FAM234A: variants seen among roughly 807,000 people sequenced by gnomAD.
FAM234A encodes the protein protein FAM234A.
Under a neutral mutation model 49.1 loss-of-function variants are expected in FAM234A, and 42 were observed. The ratio of observed to expected loss-of-function variants is 0.86; its 90% CI spans 0.67 to 1.11. The LOEUF (loss-of-function observed/expected upper bound fraction) is 1.11. Ranked by LOEUF, FAM234A falls within the 50% of genes least tolerant of loss-of-function variation. FAM234A has a pLI of 0.00. For synonymous variants in FAM234A, 369 were observed against 316.2 expected (o/e 1.17, Z -1.77); for missense variants, 815 against 745.2 (o/e 1.09, Z -1.09).
At chr16:268,345 T>A (rs1352743609), downstream of FAM234A, 1 of 261,030 alleles carries the variant, frequency 3.8e-6, no homozygotes, top group African/African-American at 2.2e-5. Context: ...TTTATTTGTG[T>A]GCTGGACGCT....
At position 263,245 on chromosome 16, in the gene FAM234A, C is replaced by G. The variant is rs552838736; in HGVS notation, c.972-17C>G. ...CCCCGGGGACCCGGCGCCCCTTTCT[C>G]CCACTCTCCTGTCTAGCTCTGGAGC... On this transcript the variant is annotated splice_polypyrimidine_tract_variant and intron_variant, in intron 8 of 12. Transcript: ENST00000399932. 6.2e-7 allele frequency: 1 copy of G among 1,609,124 alleles called. No individual in the cohort carries two copies. Among genetic ancestry groups the G allele is most frequent in the East Asian group, 2.2e-5 (1 of 44,790 alleles).
At chr16:267,490 G>A (rs919936641), downstream of FAM234A, among the ~76,000 whole-genome samples, 4 of 128,422 alleles carry the variant, frequency 3.1e-5, no homozygotes, top group African/African-American at 3.4e-5. Context: ...CCTCATACAT[G>A]CAATGTGCAC....
chr16:239,571 C>T (rs188285912), intron 1 of FAM234A, among the ~76,000 whole-genome samples: 198 of 149,954 alleles, frequency 1.3e-3, no homozygotes, highest in Non-Finnish European at 2.2e-3. Context: ...GTGGAGATTG[C>T]GCCACTGCAC....
At chr16:266,675 G>A (rs534135892), downstream of FAM234A, among the ~76,000 whole-genome samples, 1 of 152,220 alleles carries the variant, frequency 6.6e-6, no homozygotes, top group East Asian at 1.9e-4. Flanking sequence ...GTAGGGGGAC[G>A]TGGGGGATGA....
At chr16:256,136 TGA>T (rs1296016573) in intron 3 of FAM234A, among the ~76,000 whole-genome samples, 2 of 152,222 alleles carry the variant, frequency 1.3e-5, no homozygotes, top group African/African-American at 4.8e-5. Flanking sequence ...GGCTCTCAGT[TGA>T]GACTCTTATG....
chr16:250,211 G>A lies in FAM234A; in HGVS notation c.-34+557G>A, dbSNP rs148057385. Reference sequence around the variant, plus strand: ...CTCTCAAAGTGCTGGGACTACAGGCGTGAGCCACCGCGCCCGGCCAGGAAT... The same window carrying A: ...CTCTCAAAGTGCTGGGACTACAGGCATGAGCCACCGCGCCCGGCCAGGAAT... On this transcript the variant is annotated intron_variant, in intron 2 of 12. Coordinates refer to ENST00000399932, the MANE Select transcript of FAM234A (RefSeq NM_032039.4). 1.0e-2 allele frequency among the ~76,000 whole-genome samples: 1,518 copies of A among 152,324 alleles called. 10 individuals are homozygous for A. The highest frequency in any genetic ancestry group is 0.02 in the Middle Eastern group (6 of 294).
intron 4 of FAM234A, 39 bp from the exon 5 acceptor site, chr16:259,930 G>A (rs2051389697): frequency 6.3e-7 from 1 of 1,585,038 alleles, no homozygotes; most frequent in African/African-American, 1.3e-5. Context: ...TGCCTGCCCA[G>A]ATGGTGCAAC....
chr16:261,107 C>G (rs747293459), intron 5 of FAM234A: 1 of 349,476 alleles, frequency 2.9e-6, no homozygotes, highest in African/African-American at 2.1e-5. Flanking sequence ...GGGAACTCTG[C>G]GGTTCCCAGG....
intron 1 of FAM234A, among the ~76,000 whole-genome samples, chr16:236,157 T>G (rs943718288): frequency 2.7e-5 from 4 of 150,130 alleles, no homozygotes; most frequent in Admixed American, 2.0e-4. Flanking sequence ...GGTTTCACCA[T>G]GTTGGCCAGG....
downstream of FAM234A, among the ~76,000 whole-genome samples, chr16:266,675 G>C (rs534135892): frequency 3.3e-5 from 5 of 152,220 alleles, no homozygotes; most frequent in Non-Finnish European, 7.4e-5. Flanking sequence ...GTAGGGGGAC[G>C]TGGGGGATGA....
At chr16:260,577 GA>G (rs1239737025) in intron 5 of FAM234A, 6 of 476,868 alleles carry the variant, frequency 1.3e-5, no homozygotes, top group Non-Finnish European at 2.6e-5. Flanking sequence ...CCCTAAGCCT[GA>G]AGGTGCAGGT....
At chr16:256,117 C>T (rs2051221344) in intron 3 of FAM234A, among the ~76,000 whole-genome samples, 1 of 152,210 alleles carries the variant, frequency 6.6e-6, no homozygotes, top group African/African-American at 2.4e-5. Context: ...GGCTGACGAT[C>T]ACCTGGATGG....
chr16:268,679 T>A, downstream of FAM234A: 1 of 1,345,570 alleles, frequency 7.4e-7, no homozygotes, highest in Non-Finnish European at 1.0e-6. Context: ...GTGGACAAAT[T>A]CTGGAACGCG....
At chr16:251,688 T>TTTC (rs1555462376) in intron 2 of FAM234A, among the ~76,000 whole-genome samples, 1 of 134,864 alleles carries the variant, frequency 7.4e-6, no homozygotes, top group East Asian at 2.0e-4. Context: ...GGTTTTTTTT[T>TTTC]TTTTTTTTTT....
downstream of FAM234A, chr16:268,335 T>G: frequency 8.3e-6 from 2 of 241,536 alleles, no homozygotes; most frequent in South Asian, 6.0e-5. Context: ...CCAAGGGTCT[T>G]TTATTTGTGT....
In FAM234A at chr16:249,959, C is replaced by T. The variant is rs182639878; in HGVS notation, c.-34+305C>T. Among the ~76,000 whole-genome samples, 836 of 151,114 alleles carry T rather than the reference C, an allele frequency of 5.5e-3. 22 individuals carry two copies. Among genetic ancestry groups the T allele is most frequent in the African/African-American group, 0.02 (808 of 40,624 alleles). ...TATTTATTATTTAAAAAAAATTTTT[C>T]TTTTTAGACGGAGTCTCGCTCTGTC... On this transcript the variant is annotated intron_variant, in intron 2 of 12. Transcript: ENST00000399932.
At chr16:262,317 C>CTGGAGTG in intron 7 of FAM234A, 92 bp downstream of exon 7, 1 of 1,571,592 alleles carries the variant, frequency 6.4e-7, no homozygotes. Flanking sequence ...TCTCGAGGTG[C>CTGGAGTG]TGGAGTCAGG....
At chr16:255,269 T>C (rs6600208) in intron 3 of FAM234A, among the ~76,000 whole-genome samples, 51,592 of 152,094 alleles carry the variant, frequency 0.34, 12,258 homozygotes, top group African/African-American at 0.67. Flanking sequence ...GGATTACAGG[T>C]GTAAGTCACC....
rs2051592041 is a variant in FAM234A at position 264,030 on chromosome 16, C to A, written c.1203C>A (p.Asp401Glu). ...TGTDRQILFL[D>E]LGTGAVLCSL... Reference sequence around the variant, plus strand: ...TCCCTCCCCAGATCCTGTTTCTGGACCTTGGCACTGGAGCCGTCCTGTGTA... The same window carrying A: ...TCCCTCCCCAGATCCTGTTTCTGGAACTTGGCACTGGAGCCGTCCTGTGTA... The change falls in exon 11 of 13, where the codon GAC becomes GAA. Residue 401 changes from aspartate (D) to glutamate (E), a missense_variant. Coordinates refer to ENST00000399932, the MANE Select transcript of FAM234A (RefSeq NM_032039.4). The A allele has an allele frequency of 1.2e-6, 2 of 1,612,832 alleles. No individual in the cohort carries two copies. Among genetic ancestry groups the A allele is most frequent in the South Asian group, 2.2e-5 (2 of 91,052 alleles).
Sources: gnomAD v4.1 joint callset for allele counts (sites outside exome capture counted in the v4.1 genomes callset) on GRCh38, gnomAD v4.1.1 for gene constraint, MANE v1.5 for transcripts, NCBI Gene and HGNC (gene_info 2026-07-23, HGNC 2026-07-21) for gene names.